Variants in LRCOL1 observed in about 807,000 individuals in gnomAD.
The protein encoded by LRCOL1 is leucine-rich colipase-like protein 1.
LRCOL1 carries 21 observed loss-of-function variants against 21.6 expected under a neutral mutation model. That is an observed-to-expected ratio of 0.97 (90% CI 0.69 to 1.40). LRCOL1 has a LOEUF of 1.40. Ranked by LOEUF, LRCOL1 falls within the 40% of genes most tolerant of loss-of-function variation. LRCOL1 has a pLI of 0.00. For missense variants in LRCOL1, 198 were observed against 202.3 expected (o/e 0.98, Z 0.13); for synonymous variants, 98 against 90.1 (o/e 1.09, Z -0.49).
chr12:132,604,085 C>G, intron 5 of LRCOL1, 169 bp downstream of exon 5: 1 of 1,426,822 alleles, frequency 7.0e-7, no homozygotes, highest in Non-Finnish European at 9.1e-7. Context: ...CTGCGGCCCC[C>G]ACCTTATGAG....
In LRCOL1 at chr12:132,606,351, C is replaced by T; in HGVS notation, c.-13-87G>A. On this transcript the variant is annotated intron_variant, in intron 1 of 5. Coordinates refer to ENST00000376608, the MANE Select transcript of LRCOL1 (RefSeq NM_001195520.2). The surrounding 1 kb of genome is among the most constrained non-coding windows in gnomAD (Gnocchi z 4.6). The stretch of plus-strand genomic sequence containing the variant: ...GGTGCTGGCCTCCCCACTCCCTTCC[C>T]ATCCCTTCCCGATCCTTTCTCTTGC... 2 of 1,081,252 alleles carry T rather than the reference C, an allele frequency of 1.8e-6. No homozygotes were observed. The highest frequency in any genetic ancestry group is 2.7e-6 in the Non-Finnish European group (2 of 754,572). The allele number at this position is 1,081,252 out of a possible 1,614,324, so 67.0% of individuals were successfully genotyped here. A position where few individuals can be genotyped will look rare whatever the true frequency, so the allele number is the denominator to read the frequency against.
intron 4 of LRCOL1, 25 bp from the exon 5 acceptor site, chr12:132,604,401 C>T (rs1481614288): frequency 2.6e-6 from 4 of 1,534,332 alleles, no homozygotes; most frequent in Non-Finnish European, 3.5e-6. Context: ...AGGCAGCAGT[C>T]GTGGAGAGGG....
intron 1 of LRCOL1, among the ~76,000 whole-genome samples, chr12:132,609,680 G>C (rs1232635833): frequency 4.6e-5 from 7 of 152,176 alleles, no homozygotes; most frequent in African/African-American, 9.7e-5. Flanking sequence ...CTGGGCAACA[G>C]AGTGAGACTC....
intron 3 of LRCOL1, 52 bp downstream of exon 3, chr12:132,604,653 AG>A (rs2041279048): frequency 1.3e-6 from 2 of 1,526,670 alleles, no homozygotes; most frequent in African/African-American, 2.7e-5. Context: ...GGCAGGTAGG[AG>A]GGGGCCACAG....
chr12:132,604,124 G>C (rs1350180862), intron 5 of LRCOL1, 130 bp downstream of exon 5: 7 of 1,437,702 alleles, frequency 4.9e-6, no homozygotes, highest in African/African-American at 1.4e-5. Flanking sequence ...GCCTCTCCCA[G>C]CAGGGGTGCC....
At chr12:132,604,877 C>T in intron 2 of LRCOL1, 46 bp from the exon 3 acceptor site, 1 of 1,530,432 alleles carries the variant, frequency 6.5e-7, no homozygotes, top group Non-Finnish European at 8.7e-7. Context: ...TGGGCAGGGC[C>T]TGCAGACTCA....
rs1179920386 is a variant in LRCOL1 at position 132,606,997 on chromosome 12, T to C, written c.-13-733A>G. ...GATGAATTTGAACGTGAGCACCTGCTGTGAGCGGGAGCGGGGGCCTCAGCC... is the reference window on the plus strand; with the variant it reads ...GATGAATTTGAACGTGAGCACCTGCCGTGAGCGGGAGCGGGGGCCTCAGCC... On this transcript the variant is annotated intron_variant, in intron 1 of 5. Coordinates refer to ENST00000376608, the MANE Select transcript of LRCOL1 (RefSeq NM_001195520.2). The surrounding 1 kb of genome is among the most constrained non-coding windows in gnomAD (Gnocchi z 4.6). Among the ~76,000 whole-genome samples the C allele has an allele frequency of 6.6e-6, 1 of 152,238 alleles. No individual in the cohort carries two copies. Among genetic ancestry groups the C allele is most frequent in the African/African-American group, 2.4e-5 (1 of 41,476 alleles).
Position 132,603,175 on chromosome 12 carries a change from A to G in LRCOL1, c.*227T>C. Reference sequence around the variant, plus strand: ...CTCAGTCGGCCAGGAGCCTTTATTGATGTTTAACAATCAGGCTACACCCCA... The same window carrying G: ...CTCAGTCGGCCAGGAGCCTTTATTGGTGTTTAACAATCAGGCTACACCCCA... On this transcript the variant is annotated 3_prime_UTR_variant, in exon 6 of 6. Transcript: ENST00000376608. 1.9e-6 allele frequency: 1 copy of G among 529,746 alleles called. No homozygotes were observed. The highest frequency in any genetic ancestry group is 3.2e-6 in the Non-Finnish European group (1 of 309,146). 32.8% of individuals were successfully genotyped at this position (529,746 alleles called of 1,614,324 possible).
rs796094822 is a variant in LRCOL1 at position 132,603,745 on chromosome 12, A to C, written c.478-341T>G. On this transcript the variant is annotated intron_variant, in intron 5 of 5. Transcript: ENST00000376608. ...CCAGCAAACACGCACTTGCGCCCCC[A>C]CCGCGTTTGCGCCGCTGGCGACCTG... The C allele has an allele frequency of 7.5e-5, 74 of 985,062 alleles. No individual in the cohort carries two copies. The African/African-American group carries it at 1.1e-3, about 15-fold the overall frequency. The allele number at this position is 985,062 out of a possible 1,614,324, so 61.0% of individuals were successfully genotyped here.
At chr12:132,607,728 T>C (rs2041327861) in intron 1 of LRCOL1, among the ~76,000 whole-genome samples, 1 of 146,834 alleles carries the variant, frequency 6.8e-6, no homozygotes, top group African/African-American at 2.4e-5. Context: ...TCTGTCTCTC[T>C]GTCTCTCCCT....
chr12:132,607,170 C>T (rs1355058472), intron 1 of LRCOL1, among the ~76,000 whole-genome samples: 3 of 152,190 alleles, frequency 2.0e-5, no homozygotes, highest in Admixed American at 6.5e-5. Context: ...CCCACCACAG[C>T]GACCGGCCCA....
rs1433499531 is a variant in LRCOL1, at chr12:132,604,701, C to T, written c.231+5G>A. ...CCTCCACCCCCGCCCCTGCACGCAC[C>T]TCACCTTCCTCCAGGGCAGGCACTG... On this transcript the variant is annotated splice_donor_5th_base_variant and intron_variant, in intron 3 of 5. Transcript: ENST00000376608. 6.5e-7 allele frequency: 1 copy of T among 1,535,816 alleles called. No individual in the cohort carries two copies. The highest frequency in any genetic ancestry group is 8.7e-7 in the Non-Finnish European group (1 of 1,146,674).
rs759482234 is a variant in LRCOL1, at chr12:132,610,330, C to T, written c.-21G>A. The T allele has an allele frequency of 2.6e-5, 4 of 152,252 alleles. No individual in the cohort carries two copies. Among genetic ancestry groups the T allele is most frequent in the East Asian group, 1.9e-4 (1 of 5,198 alleles). 9.4% of individuals were successfully genotyped at this position (152,252 alleles called of 1,614,324 possible). ...GACATTCAGCGGCCCTACCTTTTTC[C>T]GTCAGGCGCCAGCAGCCCCTCTGTG... On this transcript the variant is annotated 5_prime_UTR_variant, in exon 1 of 6. Transcript: ENST00000376608.
At chr12:132,604,190 C>T in intron 5 of LRCOL1, 64 bp downstream of exon 5, 1 of 1,482,636 alleles carries the variant, frequency 6.7e-7, no homozygotes, top group Non-Finnish European at 8.9e-7. Context: ...TGCTGTGTTT[C>T]TGTGCGACTT....
chr12:132,606,384 A>C lies in LRCOL1; in HGVS notation c.-13-120T>G, dbSNP rs1275070646. On this transcript the variant is annotated intron_variant, in intron 1 of 5. Transcript: ENST00000376608. This position sits in a 1 kb window ranked among gnomAD's most constrained non-coding sequence, Gnocchi z 4.6. ...CCCGATCCTTTCTCTTGCAAGACAG[A>C]CTTTTAAAAACTTAATGGACTTTAT... is the stretch of plus-strand genomic sequence containing the variant. 1.2e-6 allele frequency: 1 copy of C among 800,376 alleles called. No individual in the cohort carries two copies. The highest frequency in any genetic ancestry group is 1.9e-6 in the Non-Finnish European group (1 of 522,740). 49.6% of individuals were successfully genotyped at this position (800,376 alleles called of 1,614,324 possible). A position where few individuals can be genotyped will look rare whatever the true frequency, so the allele number is the denominator to read the frequency against.
At chr12:132,604,861 T>C in intron 2 of LRCOL1, 30 bp from the exon 3 acceptor site, 1 of 1,534,250 alleles carries the variant, frequency 6.5e-7, no homozygotes, top group Non-Finnish European at 8.7e-7. Context: ...CTCGCTCACC[T>C]GTTCCTGGGC....
rs757964309 is a variant in LRCOL1 at position 132,606,240 on chromosome 12, C to G, written c.12G>C (p.Pro4=). 1.3e-6 allele frequency: 2 copies of G among 1,536,344 alleles called. No homozygotes were observed. Among genetic ancestry groups the G allele is most frequent in the Non-Finnish European group, 1.7e-6 (2 of 1,146,928 alleles). The change falls in exon 2 of 6, where the codon CCG becomes CCC. Residue 4 remains proline (P), a synonymous_variant. Coordinates refer to ENST00000376608, the MANE Select transcript of LRCOL1 (RefSeq NM_001195520.2). This position sits in a 1 kb window ranked among gnomAD's most constrained non-coding sequence, Gnocchi z 4.6. ...GCAGCAGTAGCAGCAGCGTCCACCC[C>G]GGGCCGGCCATCGGGTGTGTGGACC... MAG[P]GWTLLLLLLL...
At chr12:132,607,023 T>C (rs2041318278) in intron 1 of LRCOL1, among the ~76,000 whole-genome samples, 1 of 152,206 alleles carries the variant, frequency 6.6e-6, no homozygotes, top group Non-Finnish European at 1.5e-5. Context: ...GGCCTCAGCC[T>C]GGGGTCCCTC....
chr12:132,604,101 C>T (rs1042120271), intron 5 of LRCOL1, 153 bp downstream of exon 5: 20 of 1,430,518 alleles, frequency 1.4e-5, no homozygotes, highest in African/African-American at 1.3e-4. Flanking sequence ...ATGAGATGGG[C>T]GGTGAAGCGC....
Sources: allele counts gnomAD v4.1 joint callset (sites outside exome capture counted in the v4.1 genomes callset), GRCh38; gene constraint gnomAD v4.1.1; non-coding constraint Gnocchi (gnomAD v3.1); transcripts MANE v1.5; gene names NCBI Gene and HGNC (gene_info 2026-07-23, HGNC 2026-07-21).